Variants in CAPZA2 observed in about 807,000 individuals in gnomAD.
CAPZA2 encodes F-actin-capping protein subunit alpha-2.
Under a neutral mutation model 44.0 loss-of-function variants are expected in CAPZA2, and 13 were observed. That is an observed-to-expected ratio of 0.30 (90% confidence interval 0.19 to 0.47). The LOEUF is 0.47. Among genes scored for constraint, CAPZA2 ranks in the 20% least tolerant of loss-of-function variants. CAPZA2 has a pLI of 1.00. For synonymous variants in CAPZA2, 94 were observed against 108.2 expected (o/e 0.87, Z 0.81); for missense variants, 244 against 338.6 (o/e 0.72, Z 2.19).
intron 4 of CAPZA2, among the ~76,000 whole-genome samples, chr7:116,902,039 G>A (rs547505590): frequency 1.0e-3 from 158 of 152,066 alleles, no homozygotes; most frequent in Admixed American, 3.2e-3. Flanking sequence ...GGTGTATGGA[G>A]TAGACAAAAA....
At chr7:116,914,308 C>T (rs1028347520) in intron 8 of CAPZA2, among the ~76,000 whole-genome samples, 5 of 152,058 alleles carry the variant, frequency 3.3e-5, no homozygotes, top group African/African-American at 4.8e-5. Context: ...GGATTACAGG[C>T]GTGAGCCACT....
chr7:116,863,079 G>T (rs1029451708), intron 1 of CAPZA2, among the ~76,000 whole-genome samples: 59 of 152,210 alleles, frequency 3.9e-4, no homozygotes, highest in Non-Finnish European at 6.5e-4. Flanking sequence ...CAGCGCGGCG[G>T]CCTGGCCTGT....
At chr7:116,914,828 C>T (rs1344315432) in intron 8 of CAPZA2, among the ~76,000 whole-genome samples, 3 of 152,288 alleles carry the variant, frequency 2.0e-5, no homozygotes. Context: ...TTGGTACTCT[C>T]CTTGCAAAAT....
chr7:116,878,053 G>A (rs756736731), intron 1 of CAPZA2, among the ~76,000 whole-genome samples: 7 of 152,112 alleles, frequency 4.6e-5, no homozygotes, highest in Non-Finnish European at 1.0e-4. Flanking sequence ...TCTAAGTAGT[G>A]GCAATAATTT....
At chr7:116,883,434 T>A (rs1796724438) in intron 1 of CAPZA2, among the ~76,000 whole-genome samples, 1 of 152,226 alleles carries the variant, frequency 6.6e-6, no homozygotes, top group African/African-American at 2.4e-5. Context: ...ACTTTTACTG[T>A]GAGAGACATC....
At chr7:116,878,299 T>TA (rs1345025724) in intron 1 of CAPZA2, among the ~76,000 whole-genome samples, 2 of 152,342 alleles carry the variant, frequency 1.3e-5, no homozygotes, top group African/African-American at 2.4e-5. Context: ...ATAGAAGACT[T>TA]ACGCTGTATT....
chr7:116,912,011 G>A (rs1791603606), intron 7 of CAPZA2, 58 bp from the exon 8 acceptor site: 57 of 1,601,130 alleles, frequency 3.6e-5, no homozygotes, highest in Admixed American at 6.8e-5. Context: ...GCTTGTTGAC[G>A]CAATAAGGTT....
chr7:116,863,580 G>A (rs1053472067), intron 1 of CAPZA2, among the ~76,000 whole-genome samples: 2 of 152,170 alleles, frequency 1.3e-5, no homozygotes, highest in African/African-American at 4.8e-5. Flanking sequence ...CCTTTCGTTT[G>A]GCTTTTGGGA....
intron 6 of CAPZA2, among the ~76,000 whole-genome samples, chr7:116,907,927 G>A (rs1060513): frequency 0.055 from 8,366 of 152,190 alleles, 781 homozygotes; most frequent in African/African-American, 0.19. Flanking sequence ...TTTCCATAGT[G>A]ATAATATCAT....
At chr7:116,906,574 A>G (rs932705097) in intron 6 of CAPZA2, 14 of 566,782 alleles carry the variant, frequency 2.5e-5, no homozygotes, top group Non-Finnish European at 3.7e-5. Context: ...ACTAGCAAAC[A>G]GCATCCTGAG....
At chr7:116,898,181 T>C (rs1173560516) in intron 3 of CAPZA2, among the ~76,000 whole-genome samples, 5 of 152,078 alleles carry the variant, frequency 3.3e-5, no homozygotes, top group Admixed American at 1.3e-4. Context: ...ATCCAGTTTT[T>C]CAAGTCGGTT....
At chr7:116,882,955 A>G (rs1157278548) in intron 1 of CAPZA2, among the ~76,000 whole-genome samples, 4 of 152,196 alleles carry the variant, frequency 2.6e-5, no homozygotes, top group Non-Finnish European at 5.9e-5. Context: ...GTCCCCAACA[A>G]AACCATGCCC....
intron 8 of CAPZA2, among the ~76,000 whole-genome samples, chr7:116,913,166 C>T (rs1203420472): frequency 6.6e-6 from 1 of 152,130 alleles, no homozygotes. Flanking sequence ...TTCATATATT[C>T]TGGATACAAG....
At chr7:116,902,168 C>G (rs928255669) in intron 4 of CAPZA2, among the ~76,000 whole-genome samples, 11 of 152,132 alleles carry the variant, frequency 7.2e-5, no homozygotes, top group Admixed American at 2.6e-4. Context: ...CTGTCACATA[C>G]AGTATACAGA....
chr7:116,907,586 T>C (rs1305417668), intron 6 of CAPZA2, among the ~76,000 whole-genome samples: 1 of 152,226 alleles, frequency 6.6e-6, no homozygotes, highest in Non-Finnish European at 1.5e-5. Context: ...TAATTTGTCT[T>C]TTTAAAATCT....
intron 8 of CAPZA2, 68 bp from the exon 9 acceptor site, chr7:116,915,990 TAC>T (rs1791674174): frequency 9.8e-7 from 1 of 1,017,746 alleles, no homozygotes; most frequent in African/African-American, 1.7e-5. Context: ...ACATTAACCA[TAC>T]ATATATTTTA....
chr7:116,883,431 C>T lies in CAPZA2; in HGVS notation c.40-4696C>T, dbSNP rs547709614. On this transcript the variant is annotated intron_variant, in intron 1 of 9. Coordinates refer to ENST00000361183, the MANE Select transcript of CAPZA2 (RefSeq NM_006136.3). The stretch of plus-strand genomic sequence containing the variant: ...CTTAGGAAAACAGTCAAAACTTTTA[C>T]TGTGAGAGACATCCTTTCTTTTGTC... 5.2e-4 allele frequency among the ~76,000 whole-genome samples: 79 copies of T among 152,320 alleles called. 3 individuals carry two copies. The South Asian group carries it at 0.016, about 30-fold the overall frequency.
chr7:116,912,571 T>C (rs935465802), intron 8 of CAPZA2, among the ~76,000 whole-genome samples: 55 of 152,208 alleles, frequency 3.6e-4, no homozygotes, highest in African/African-American at 1.3e-3. Flanking sequence ...ACATTTGATA[T>C]AAATGTAATC....
chr7:116,888,232 C>A, intron 2 of CAPZA2, 42 bp downstream of exon 2: 3 of 1,382,244 alleles, frequency 2.2e-6, no homozygotes, highest in Non-Finnish European at 2.0e-6. Context: ...TATATCAAGC[C>A]CTCTTTTTAA....
Sources: gnomAD v4.1 joint callset for allele counts (sites outside exome capture counted in the v4.1 genomes callset) on GRCh38, gnomAD v4.1.1 for gene constraint, MANE v1.5 for transcripts, NCBI Gene and HGNC (gene_info 2026-07-23, HGNC 2026-07-21) for gene names.